The following CUX2 variants were observed in gnomAD, a reference collection of about 807,000 sequenced individuals.
CUX2 encodes homeobox protein cut-like 2.
Under a neutral mutation model 144.8 loss-of-function variants are expected in CUX2, and 40 were observed. That is an observed-to-expected ratio of 0.28 (90% CI 0.21 to 0.36). The LOEUF is 0.36. CUX2 is among the 10% of genes least tolerant of loss of function. The pLI is 1.00. For synonymous variants in CUX2, 827 were observed against 875.6 expected, an observed-to-expected ratio of 0.94 and a Z score of 0.98; for missense variants, 1,615 against 1,994.0, an observed-to-expected ratio of 0.81 and a Z score of 3.62.
chr12:111,291,287 C>T, intron 4 of CUX2, 131 bp from the exon 5 acceptor site: 2 of 1,127,644 alleles, frequency 1.8e-6, no homozygotes, highest in South Asian at 1.8e-5. Flanking sequence ...AGCAGAAAGT[C>T]CATGCTACTT....
chr12:111,036,456 C>T (rs1246897014), intron 1 of CUX2, among the ~76,000 whole-genome samples: 2 of 152,186 alleles, frequency 1.3e-5, no homozygotes, highest in African/African-American at 4.8e-5. Context: ...TCACCCAAAT[C>T]TTGATTCCAG....
chr12:111,123,831 C>A (rs549840159), intron 1 of CUX2, among the ~76,000 whole-genome samples: 1 of 152,212 alleles, frequency 6.6e-6, no homozygotes, highest in Non-Finnish European at 1.5e-5. Flanking sequence ...CCACCGCGCC[C>A]AGACAAACTT....
intron 3 of CUX2, among the ~76,000 whole-genome samples, chr12:111,222,468 A>G (rs959390799): frequency 3.9e-5 from 6 of 152,106 alleles, no homozygotes; most frequent in Non-Finnish European, 8.8e-5. Flanking sequence ...TGTGGCCTGT[A>G]TGGTGGAAAA....
At chr12:111,269,781 T>C (rs1222527989) in intron 4 of CUX2, among the ~76,000 whole-genome samples, 2 of 152,058 alleles carry the variant, frequency 1.3e-5, no homozygotes, top group African/African-American at 4.8e-5. Flanking sequence ...GGAAGGTCCA[T>C]ATACCCTCTC....
rs747319551 is a variant in CUX2, at chr12:111,310,338, C to G, written c.1556C>G (p.Ala519Gly). Residue 519 changes from alanine to glycine, a missense_variant, in exon 15 of 22, where the codon GCC becomes GGC. Physicochemically the swap from Ala to Gly is moderately conservative, Grantham distance 60 (BLOSUM62 0). Transcript: ENST00000261726. This position sits in a 1 kb window ranked among gnomAD's most constrained non-coding sequence, Gnocchi z 7.9. ...PAFYGAKPPT[A>G]PATPAPGPEP... ...TTCTATGGCGCCAAGCCCCCCACAG[C>G]CCCTGCCACCCCGGCCCCTGGCCCT... is the stretch of plus-strand genomic sequence containing the variant. 13 of 1,537,872 alleles carry G rather than the reference C, an allele frequency of 8.5e-6. No homozygotes were observed. In the South Asian group the frequency reaches 1.6e-4, roughly 19 times the overall value.
chr12:111,242,433 T>C (rs1883068500), intron 3 of CUX2, among the ~76,000 whole-genome samples: 1 of 152,106 alleles, frequency 6.6e-6, no homozygotes, highest in South Asian at 2.1e-4. Context: ...AGTTGAGGAG[T>C]TGCAACAGAG....
Position 111,322,532 on chromosome 12 carries a change from T to G in CUX2, c.2878T>G (p.Ser960Ala), listed in dbSNP as rs1363867814. 79 of 1,609,684 alleles carry G rather than the reference T, an allele frequency of 4.9e-5. No homozygotes were observed. The highest frequency in any genetic ancestry group is 6.6e-5 in the Non-Finnish European group (78 of 1,179,378). Residue 960 changes from serine (S) to alanine (A), a missense_variant, in exon 18 of 22, where the codon TCT (serine) becomes GCT (alanine). By Grantham distance (99) the Ser-to-Ala change is moderately conservative. Transcript: ENST00000261726. This position sits in a 1 kb window ranked among gnomAD's most constrained non-coding sequence, Gnocchi z 4.2. ...EPFIRMQLWL[S>A]DQLGQAVGQQ... ...CTTCATCCGCATGCAGCTGTGGCTC[T>G]CTGACCAGCTCGGCCAGGCAGTGGG...
intron 1 of CUX2, among the ~76,000 whole-genome samples, chr12:111,114,358 T>C (rs1173025634): frequency 6.6e-6 from 1 of 152,252 alleles, no homozygotes; most frequent in Non-Finnish European, 1.5e-5. Flanking sequence ...ATGTTGAGCA[T>C]CTTTTCATTG....
At position 111,039,487 on chromosome 12, in the gene CUX2, G is replaced by A. The variant is rs1426175406; in HGVS notation, c.63+5247G>A. Among the ~76,000 whole-genome samples, 7 of 152,080 alleles carry A rather than the reference G, an allele frequency of 4.6e-5. No individual in the cohort carries two copies. Among genetic ancestry groups the A allele is most frequent in the African/African-American group, 1.4e-4 (6 of 41,380 alleles). On this transcript the variant is annotated intron_variant, in intron 1 of 21. Coordinates refer to ENST00000261726, the MANE Select transcript of CUX2 (RefSeq NM_015267.4). The surrounding 1 kb of genome is among the most constrained non-coding windows in gnomAD (Gnocchi z 4.2). Reference sequence around the variant, plus strand: ...CTGGCTGTGCCCAACTTTGCTGTACGAGTTATTGTAAAGGTGAAGGATGCT... The same window carrying A: ...CTGGCTGTGCCCAACTTTGCTGTACAAGTTATTGTAAAGGTGAAGGATGCT...
intron 1 of CUX2, among the ~76,000 whole-genome samples, chr12:111,131,487 G>A (rs1875476896): frequency 6.6e-6 from 1 of 152,022 alleles, no homozygotes. Flanking sequence ...GTCCCCCAAA[G>A]TCTTAACTCA....
intron 1 of CUX2, among the ~76,000 whole-genome samples, chr12:111,208,134 G>A (rs1479315051): frequency 6.6e-6 from 1 of 152,066 alleles, no homozygotes; most frequent in Admixed American, 6.5e-5. Context: ...GAAAGAGATT[G>A]TTTGTCTTCA....
At chr12:111,225,534 AG>A (rs1017404585) in intron 3 of CUX2, among the ~76,000 whole-genome samples, 24 of 152,238 alleles carry the variant, frequency 1.6e-4, no homozygotes, top group Non-Finnish European at 2.8e-4. Context: ...AGAGAGGTCA[AG>A]TGACTTGCCT....
intron 1 of CUX2, among the ~76,000 whole-genome samples, chr12:111,130,101 G>T (rs866688083): frequency 5.9e-5 from 9 of 152,308 alleles, no homozygotes; most frequent in South Asian, 4.1e-4. Context: ...GTAAAAGGCT[G>T]CAGGTTCCTT....
At position 111,348,169 on chromosome 12, in the gene CUX2, C is replaced by T. The variant is rs1349922757; in HGVS notation, c.4305C>T (p.Ala1435=). ...CCCCCCCTGCCAAAGTGCCGAGTGC[C>T]AGCCCCACTGCTGACATGGCTGGAG... ...PGAPPAKVPS[A]SPTADMAGAL... is the part of the protein sequence containing the mutation. Residue 1435 remains alanine (A), a synonymous_variant, in exon 22 of 22, where the codon GCC becomes GCT. Coordinates refer to ENST00000261726, the MANE Select transcript of CUX2 (RefSeq NM_015267.4). The T allele has an allele frequency of 6.2e-7, 1 of 1,614,148 alleles. No homozygotes were observed. The highest frequency in any genetic ancestry group is 1.7e-5 in the Admixed American group (1 of 60,028).
At chr12:111,328,954 T>TCC (rs1887952498) in intron 18 of CUX2, among the ~76,000 whole-genome samples, 1 of 96,692 alleles carries the variant, frequency 1.0e-5, no homozygotes, top group East Asian at 4.8e-4. Context: ...TCTCTCTCTC[T>TCC]CTCTCTCTCT....
At chr12:111,073,595 A>G (rs1331224155) in intron 1 of CUX2, among the ~76,000 whole-genome samples, 1 of 152,084 alleles carries the variant, frequency 6.6e-6, no homozygotes, top group Non-Finnish European at 1.5e-5. Flanking sequence ...TGTGCGTTGT[A>G]GGATGCTTAG....
At position 111,186,766 on chromosome 12, in the gene CUX2, GAT is replaced by G. The variant is rs1879557726; in HGVS notation, c.64-27431_64-27430del. Among the ~76,000 whole-genome samples, 3 of 149,694 alleles carry G rather than the reference GAT, an allele frequency of 2.0e-5. No homozygotes were observed. The South Asian group carries it at 6.4e-4, about 32-fold the overall frequency. On this transcript the variant is annotated intron_variant, in intron 1 of 21. Coordinates refer to ENST00000261726, the MANE Select transcript of CUX2 (RefSeq NM_015267.4). The surrounding 1 kb of genome is among the most constrained non-coding windows in gnomAD (Gnocchi z 4.4). Reference sequence around the variant, plus strand: ...TGAGACATGTGCAGGTATTAAAATCGATATGATGTGTGTATGTTTTTTTTTTT... The same window carrying G: ...TGAGACATGTGCAGGTATTAAAATCGATGATGTGTGTATGTTTTTTTTTTT...
At chr12:111,156,705 C>T (rs887797781) in intron 1 of CUX2, among the ~76,000 whole-genome samples, 6 of 152,106 alleles carry the variant, frequency 3.9e-5, no homozygotes, top group African/African-American at 9.7e-5. Context: ...AAGCCGAGTG[C>T]GGTGGCTCAC....
At chr12:111,153,870 C>G (rs1336642410) in intron 1 of CUX2, among the ~76,000 whole-genome samples, 1 of 152,192 alleles carries the variant, frequency 6.6e-6, no homozygotes, top group African/African-American at 2.4e-5. Flanking sequence ...CGGAGACCAG[C>G]AGTCCAAAAT....
Sources: gnomAD v4.1 joint callset for allele counts (sites outside exome capture counted in the v4.1 genomes callset) on GRCh38, gnomAD v4.1.1 for gene constraint, Gnocchi (gnomAD v3.1) non-coding constraint, MANE v1.5 for transcripts, NCBI Gene and HGNC (gene_info 2026-07-23, HGNC 2026-07-21) for gene names.